The following DGKD variants were observed in gnomAD, a reference collection of about 807,000 sequenced individuals.
DGKD encodes the protein diacylglycerol kinase delta, also known as DAG kinase delta.
Under a neutral mutation model 154.4 loss-of-function variants are expected in DGKD, and 68 were observed. That is an observed-to-expected ratio of 0.44 (90% CI 0.36 to 0.54). DGKD has a LOEUF of 0.54. DGKD is among the 20% of genes least tolerant of loss of function. The pLI is 0.00. For missense variants in DGKD, 1,343 were observed against 1,593.6 expected (o/e 0.84, Z 2.68); for synonymous variants, 693 against 638.0 (o/e 1.09, Z -1.30).
chr2:233,448,745 T>C (rs1026913305), intron 14 of DGKD, among the ~76,000 whole-genome samples: 1 of 152,152 alleles, frequency 6.6e-6, no homozygotes, highest in African/African-American at 2.4e-5. Flanking sequence ...AACCAGAGGC[T>C]GAAGTGGTTA....
intron 1 of DGKD, among the ~76,000 whole-genome samples, chr2:233,375,223 G>A (rs1702509929): frequency 6.6e-6 from 1 of 152,118 alleles, no homozygotes; most frequent in Non-Finnish European, 1.5e-5. Context: ...CCTGGGAGGT[G>A]GAGGTTGCAG....
rs1268658012 is a variant in DGKD, at chr2:233,460,285, C to T, written c.2921C>T (p.Ser974Phe). The change falls in exon 24 of 30, where the codon TCC becomes TTC. Residue 974 changes from serine (S) to phenylalanine (F), a missense_variant. Coordinates refer to ENST00000264057, the MANE Select transcript of DGKD (RefSeq NM_152879.3). ...PSCSLHPEMLSEEEATQMDQF... is the reference protein window; with the variant it reads ...PSCSLHPEMLFEEEATQMDQF... ...TGTTCCCTGCACCCGGAGATGCTGT[C>T]CGAGGAGGAGGCCACCCAGATGGAC... The T allele has an allele frequency of 3.7e-6, 6 of 1,613,988 alleles. No homozygotes were observed. The highest frequency in any genetic ancestry group is 5.1e-6 in the Non-Finnish European group (6 of 1,180,004).
At chr2:233,461,775 T>G (rs1437860796) in intron 24 of DGKD, among the ~76,000 whole-genome samples, 1 of 152,232 alleles carries the variant, frequency 6.6e-6, no homozygotes, top group African/African-American at 2.4e-5. Context: ...CTGCCTTTGC[T>G]TGCACTGCTC....
rs1173641672 is a variant in DGKD at position 233,435,861 on chromosome 2, C to G, written c.630C>G (p.Thr210=). The change falls in exon 6 of 30, where the codon ACC becomes ACG. Residue 210 remains threonine (T), a synonymous_variant. Coordinates refer to ENST00000264057, the MANE Select transcript of DGKD (RefSeq NM_152879.3). ...ACAAGCGCTGTGCTGTGCGTGCAAC[C>G]AATAACTGCAAGTGGACCACACTGG... ...KAHKRCAVRA[T]NNCKWTTLAS... The G allele has an allele frequency of 1.2e-6, 2 of 1,612,408 alleles. No homozygotes were observed. Among genetic ancestry groups the G allele is most frequent in the African/African-American group, 2.7e-5 (2 of 74,806 alleles).
At position 233,370,236 on chromosome 2, in the gene DGKD, TAC is replaced by T. The variant is rs771426929; in HGVS notation, c.156+15564_156+15565del. 1.3e-4 allele frequency among the ~76,000 whole-genome samples: 20 copies of T among 152,304 alleles called. No individual in the cohort carries two copies. The East Asian group carries it at 2.7e-3, about 21-fold the overall frequency. On this transcript the variant is annotated intron_variant, in intron 1 of 29. Transcript: ENST00000264057. The stretch of plus-strand genomic sequence containing the variant: ...ATTTATTATTTATTTATTTTTTAGA[TAC>T]AGTCTTGCTCTTTCTCTCAGGGTGG...
intron 27 of DGKD, among the ~76,000 whole-genome samples, chr2:233,466,326 G>A (rs1354423953): frequency 6.6e-6 from 1 of 151,706 alleles, no homozygotes; most frequent in Non-Finnish European, 1.5e-5. Flanking sequence ...GTGGTTATGT[G>A]TATTTTTGCT....
chr2:233,458,301 A>G lies in DGKD; in HGVS notation c.2598A>G (p.Ser866=), dbSNP rs1205529444. The change falls in exon 22 of 30, where the codon TCA becomes TCG. Residue 866 remains serine (S), a synonymous_variant. Coordinates refer to ENST00000264057, the MANE Select transcript of DGKD (RefSeq NM_152879.3). The surrounding 1 kb of genome is among the most constrained non-coding windows in gnomAD (Gnocchi z 6.6). ...CCTTGCAGACTTTCGCAGCTCCATC[A>G]TTCGATGACAAGATTCTGGAGGTGG... ...TKEDDTFAAP[S]FDDKILEVVA... 1 of 1,612,640 alleles carries G rather than the reference A, an allele frequency of 6.2e-7. No individual in the cohort carries two copies. Among genetic ancestry groups the G allele is most frequent in the Admixed American group, 1.7e-5 (1 of 60,014 alleles).
At chr2:233,359,928 G>C (rs537195425) in intron 1 of DGKD, among the ~76,000 whole-genome samples, 1 of 152,350 alleles carries the variant, frequency 6.6e-6, no homozygotes, top group South Asian at 2.1e-4. Flanking sequence ...AATTTGACCT[G>C]ATATCAGGGA....
chr2:233,463,477 G>A lies in DGKD; in HGVS notation c.3187-687G>A, dbSNP rs560124904. Among the ~76,000 whole-genome samples, 7 of 101,528 alleles carry A rather than the reference G, an allele frequency of 6.9e-5. No individual in the cohort carries two copies. The East Asian group carries it at 1.3e-3, about 20-fold the overall frequency. 66.6% of individuals were successfully genotyped at this position (101,528 alleles called of 152,430 possible). ...CACTCCACGCATGTCCTCACTGCACGCATGTCCTCACTGCACGCATGTCCT... is the reference window on the plus strand; with the variant it reads ...CACTCCACGCATGTCCTCACTGCACACATGTCCTCACTGCACGCATGTCCT... On this transcript the variant is annotated intron_variant, in intron 26 of 29. Transcript: ENST00000264057.
chr2:233,370,990 G>A (rs1702293755), intron 1 of DGKD, among the ~76,000 whole-genome samples: 1 of 145,810 alleles, frequency 6.9e-6, no homozygotes, highest in African/African-American at 2.7e-5. Flanking sequence ...GGGCTCAAGT[G>A]ATCTTCTTGC....
At chr2:233,382,023 C>A (rs1702930645) in intron 1 of DGKD, among the ~76,000 whole-genome samples, 1 of 152,200 alleles carries the variant, frequency 6.6e-6, no homozygotes, top group Admixed American at 6.5e-5. Context: ...CACCCAAAGT[C>A]AGGAGTTCGA....
intron 3 of DGKD, among the ~76,000 whole-genome samples, chr2:233,397,166 GC>G (rs1304903252): frequency 4.6e-5 from 4 of 87,050 alleles, no homozygotes; most frequent in East Asian, 3.5e-4. Flanking sequence ...TGCGGGGGGG[GC>G]CAGAGTGAGA....
intron 3 of DGKD, among the ~76,000 whole-genome samples, chr2:233,417,731 A>G (rs1010201514): frequency 6.6e-6 from 1 of 152,222 alleles, no homozygotes; most frequent in African/African-American, 2.4e-5. Context: ...ACACTATTAT[A>G]TAGACCTGCG....
chr2:233,361,064 A>C (rs11675531), intron 1 of DGKD, among the ~76,000 whole-genome samples: 17,855 of 151,006 alleles, frequency 0.12, 1,235 homozygotes, highest in African/African-American at 0.18. Context: ...CCCTGGGGAA[A>C]GAACACTGGG....
Position 233,387,733 on chromosome 2 carries a change from C to T in DGKD, c.157-524C>T, listed in dbSNP as rs771365072. Among the ~76,000 whole-genome samples, 7 of 152,222 alleles carry T rather than the reference C, an allele frequency of 4.6e-5. No individual in the cohort carries two copies. The South Asian group carries it at 1.2e-3, about 27-fold the overall frequency. On this transcript the variant is annotated intron_variant, in intron 1 of 29. Coordinates refer to ENST00000264057, the MANE Select transcript of DGKD (RefSeq NM_152879.3). ...CTCTCATGGTGTGTGCAGATGCACA[C>T]GCCAGGCCTGTGAGTGGTGGGTTGG...
In DGKD at chr2:233,457,760, C is replaced by T; in HGVS notation, c.2580+432C>T. 1 of 365,284 alleles carries T rather than the reference C, an allele frequency of 2.7e-6. No homozygotes were observed. The highest frequency in any genetic ancestry group is 5.4e-6 in the Non-Finnish European group (1 of 184,792). 22.6% of individuals were successfully genotyped at this position (365,284 alleles called of 1,614,324 possible). The stretch of plus-strand genomic sequence containing the variant: ...GGATGGGAGAGAGGTGCCCCGACTG[C>T]AGTGGGCAGCAGGGGCGTGGAGAGA... On this transcript the variant is annotated intron_variant, in intron 21 of 29. Coordinates refer to ENST00000264057, the MANE Select transcript of DGKD (RefSeq NM_152879.3). The surrounding 1 kb of genome is among the most constrained non-coding windows in gnomAD (Gnocchi z 5.5).
chr2:233,446,787 G>A lies in DGKD; in HGVS notation c.1410G>A (p.Glu470=), dbSNP rs528288129. ...SSSTVTEDFS[E]DSEVQQILFY... ...CTACCGTCACCGAAGACTTCAGCGA[G>A]GATTCCGAGGTATTGCTGGCCTGTT... The change falls in exon 12 of 30, where the codon GAG becomes GAA. Residue 470 remains glutamate (E), a synonymous_variant. Coordinates refer to ENST00000264057, the MANE Select transcript of DGKD (RefSeq NM_152879.3). 21 of 1,614,198 alleles carry A rather than the reference G, an allele frequency of 1.3e-5. No individual in the cohort carries two copies. The Admixed American group carries it at 2.5e-4, about 19-fold the overall frequency.
At chr2:233,462,977 A>G (rs2063698633) in intron 26 of DGKD, among the ~76,000 whole-genome samples, 1 of 152,348 alleles carries the variant, frequency 6.6e-6, no homozygotes, top group South Asian at 2.1e-4. Flanking sequence ...CGTCGTGGAC[A>G]GAAGATGCTT....
chr2:233,437,600 C>A, intron 8 of DGKD, 121 bp downstream of exon 8: 1 of 971,702 alleles, frequency 1.0e-6, no homozygotes, highest in Non-Finnish European at 1.6e-6. Context: ...AGGTCAGGCA[C>A]AGCTGTTGGG....
Sources: allele counts gnomAD v4.1 joint callset (sites outside exome capture counted in the v4.1 genomes callset), GRCh38; gene constraint gnomAD v4.1.1; non-coding constraint Gnocchi (gnomAD v3.1); transcripts MANE v1.5; gene names NCBI Gene and HGNC (gene_info 2026-07-23, HGNC 2026-07-21).